ASB1: variants seen among roughly 807,000 people sequenced by gnomAD.
The protein encoded by ASB1 is ankyrin repeat and SOCS box containing 1, also known as ankyrin repeat and SOCS box protein 1.
In ASB1, 18 loss-of-function variants were observed where a neutral mutation model predicts 27.7. The ratio of observed to expected loss-of-function variants is 0.65; its 90% confidence interval spans 0.45 to 0.96. The LOEUF is 0.96. Among genes scored for constraint, ASB1 ranks in the 50% least tolerant of loss-of-function variants. The pLI, the probability that ASB1 is intolerant of heterozygous loss-of-function variation, is 0.00. For synonymous variants in ASB1, 189 were observed against 187.6 expected (o/e 1.01, Z -0.06); for missense variants, 397 against 451.7 (o/e 0.88, Z 1.10).
intron 3 of ASB1, among the ~76,000 whole-genome samples, chr2:238,440,373 T>C (rs1285458952): frequency 1.3e-5 from 2 of 152,250 alleles, no homozygotes; most frequent in Non-Finnish European, 2.9e-5. Context: ...TTCACCTGGC[T>C]ACCTTTAATC....
chr2:238,437,688 G>A (rs569967464), intron 3 of ASB1, among the ~76,000 whole-genome samples: 1 of 152,128 alleles, frequency 6.6e-6, no homozygotes, highest in South Asian at 2.1e-4. Context: ...TGGACAGGGT[G>A]CAGTTTAGGT....
At chr2:238,434,661 A>G (rs1275037188) in intron 2 of ASB1, among the ~76,000 whole-genome samples, 1 of 152,232 alleles carries the variant, frequency 6.6e-6, no homozygotes, top group Non-Finnish European at 1.5e-5. Context: ...CTGTCATAGG[A>G]AGACAGATGG....
intron 4 of ASB1, among the ~76,000 whole-genome samples, chr2:238,445,494 CT>C (rs1702162977): frequency 1.3e-5 from 2 of 152,260 alleles, no homozygotes; most frequent in South Asian, 4.1e-4. Flanking sequence ...AGTTCCTGGT[CT>C]GCTTATTTAT....
At chr2:238,430,833 G>A (rs1025460724) in intron 1 of ASB1, among the ~76,000 whole-genome samples, 8 of 151,346 alleles carry the variant, frequency 5.3e-5, no homozygotes, top group African/African-American at 1.5e-4. Context: ...TATTGTCAGC[G>A]AGCAGTAGTA....
In ASB1 at chr2:238,449,413, T is replaced by C. The variant is rs1702240318; in HGVS notation, c.*2902T>C. 1 of 152,534 alleles carries C rather than the reference T, an allele frequency of 6.6e-6. No individual in the cohort carries two copies. The highest frequency in any genetic ancestry group is 1.5e-5 in the Non-Finnish European group (1 of 68,434). 9.4% of individuals were successfully genotyped at this position (152,534 alleles called of 1,614,324 possible). The stretch of plus-strand genomic sequence containing the variant: ...GGGCTGGGGGAAGGAGCCTGAAGGT[T>C]GCCCCTGGTTGCATCCCAGAAGCAT... On this transcript the variant is annotated 3_prime_UTR_variant, in exon 5 of 5. Transcript: ENST00000264607.
chr2:238,442,538 G>T (rs538443476), intron 3 of ASB1, among the ~76,000 whole-genome samples: 54 of 151,902 alleles, frequency 3.6e-4, no homozygotes, highest in Non-Finnish European at 6.2e-4. Flanking sequence ...TTTTACTTAC[G>T]TTGTTTTGTC....
intron 4 of ASB1, among the ~76,000 whole-genome samples, chr2:238,445,206 T>A (rs1301649462): frequency 6.6e-6 from 1 of 152,110 alleles, no homozygotes; most frequent in Admixed American, 6.6e-5. Context: ...GTTGAACTCC[T>A]GGGCTCAAGT....
At chr2:238,446,292 C>G in intron 4 of ASB1, 92 bp from the exon 5 acceptor site, 2 of 1,444,330 alleles carry the variant, frequency 1.4e-6, no homozygotes, top group Non-Finnish European at 1.9e-6. Flanking sequence ...CATTGGTGCA[C>G]TTCTGGCTGG....
chr2:238,446,274 G>A lies in ASB1; in HGVS notation c.881-110G>A, dbSNP rs527932008. ...TGTTTCACTGAGCGTTTTGAAGTTG[G>A]TAGTGAGCATTGGTGCACTTCTGGC... On this transcript the variant is annotated intron_variant, in intron 4 of 4. Transcript: ENST00000264607. 203 of 1,267,228 alleles carry A rather than the reference G, an allele frequency of 1.6e-4. 3 individuals are homozygous for A. In the South Asian group the frequency reaches 2.9e-3, roughly 18 times the overall value. The allele number at this position is 1,267,228 out of a possible 1,614,324, so 78.5% of individuals were successfully genotyped here. A position where few individuals can be genotyped will look rare whatever the true frequency, so the allele number is the denominator to read the frequency against.
intron 3 of ASB1, among the ~76,000 whole-genome samples, chr2:238,437,465 C>G (rs909900935): frequency 1.3e-5 from 2 of 151,938 alleles, no homozygotes; most frequent in East Asian, 3.9e-4. Flanking sequence ...CTTCTGACCT[C>G]GTGATCCGCC....
intron 3 of ASB1, among the ~76,000 whole-genome samples, chr2:238,438,111 C>G (rs945517372): frequency 2.4e-4 from 37 of 151,816 alleles, no homozygotes; most frequent in African/African-American, 8.2e-4. Flanking sequence ...TTCCAGAAAG[C>G]CCTTTGGGTA....
intron 2 of ASB1, 86 bp from the exon 3 acceptor site, chr2:238,435,625 T>C (rs948839181): frequency 2.9e-6 from 4 of 1,378,232 alleles, no homozygotes; most frequent in African/African-American, 2.9e-5. Flanking sequence ...GGGGACCGTG[T>C]CCATGCTGCC....
rs1427900125 is a variant in ASB1, at chr2:238,451,461, C to T, written c.*4950C>T. 1 of 152,332 alleles carries T rather than the reference C, an allele frequency of 6.6e-6. No homozygotes were observed. Among genetic ancestry groups the T allele is most frequent in the Non-Finnish European group, 1.5e-5 (1 of 68,126 alleles). The allele number at this position is 152,332 out of a possible 1,614,324, so 9.4% of individuals were successfully genotyped here. A position where few individuals can be genotyped will look rare whatever the true frequency, so the allele number is the denominator to read the frequency against. ...TGTAATTTAGCCAGCAGTGCCCTGCCCTGCCCTGCAGTGTCTGCTCAGCTC... is the reference window on the plus strand; with the variant it reads ...TGTAATTTAGCCAGCAGTGCCCTGCTCTGCCCTGCAGTGTCTGCTCAGCTC... On this transcript the variant is annotated 3_prime_UTR_variant, in exon 5 of 5. Coordinates refer to ENST00000264607, the MANE Select transcript of ASB1 (RefSeq NM_001040445.3).
chr2:238,427,003 C>CG lies in ASB1; in HGVS notation c.-65dup. 1 of 1,193,842 alleles carries CG rather than the reference C, an allele frequency of 8.4e-7. No individual in the cohort carries two copies. The highest frequency in any genetic ancestry group is 3.2e-4 in the Middle Eastern group (1 of 3,108). 74.0% of individuals were successfully genotyped at this position (1,193,842 alleles called of 1,614,324 possible). On this transcript the variant is annotated 5_prime_UTR_variant, in exon 1 of 5. Transcript: ENST00000264607. ...TTGCCCTCGGCGCCGGAAGTGGTCG[C>CG]GGGTCGTTCTGCTTCCTGCCCGAGG...
Position 238,427,106 on chromosome 2 carries a change from G to T in ASB1, c.36G>T (p.Gly12=). Residue 12 remains glycine (G), a synonymous_variant, in exon 1 of 5, where the codon GGG becomes GGT. Transcript: ENST00000264607. Reference sequence around the variant, plus strand: ...GCGGCAGCCCAGACGGGCGGGCAGGGCCGGGCTCCGCAGGTAACGTGCGCG... The same window carrying T: ...GCGGCAGCCCAGACGGGCGGGCAGGTCCGGGCTCCGCAGGTAACGTGCGCG... ...AEGGSPDGRA[G]PGSAGRNLKE... 1 of 1,257,106 alleles carries T rather than the reference G, an allele frequency of 8.0e-7. No homozygotes were observed. Among genetic ancestry groups the T allele is most frequent in the South Asian group, 3.0e-5 (1 of 33,306 alleles). 77.9% of individuals were successfully genotyped at this position (1,257,106 alleles called of 1,614,324 possible). A position where few individuals can be genotyped will look rare whatever the true frequency, so the allele number is the denominator to read the frequency against.
intron 1 of ASB1, among the ~76,000 whole-genome samples, chr2:238,430,775 C>T (rs1701856092): frequency 1.3e-5 from 2 of 152,218 alleles, no homozygotes; most frequent in Admixed American, 1.3e-4. Flanking sequence ...GGCATGAAAA[C>T]AGCATGAATC....
intron 4 of ASB1, 101 bp from the exon 5 acceptor site, chr2:238,446,283 A>G (rs1702178499): frequency 1.5e-6 from 2 of 1,351,706 alleles, no homozygotes; most frequent in African/African-American, 1.5e-5. Context: ...GGTAGTGAGC[A>G]TTGGTGCACT....
At chr2:238,431,829 G>A (rs1009701507) in intron 1 of ASB1, among the ~76,000 whole-genome samples, 1 of 152,202 alleles carries the variant, frequency 6.6e-6, no homozygotes, top group African/African-American at 2.4e-5. Flanking sequence ...ATATGGCACA[G>A]TTTGTGGCAC....
intron 3 of ASB1, 57 bp downstream of exon 3, chr2:238,436,070 T>C: frequency 6.9e-7 from 1 of 1,456,586 alleles, no homozygotes; most frequent in Non-Finnish European, 9.0e-7. Flanking sequence ...CTTCTCTGTA[T>C]TTTGCAGTTT....
Sources: allele counts gnomAD v4.1 joint callset (sites outside exome capture counted in the v4.1 genomes callset), GRCh38; gene constraint gnomAD v4.1.1; transcripts MANE v1.5; gene names NCBI Gene and HGNC (gene_info 2026-07-23, HGNC 2026-07-21).